DAGLA: variants seen among roughly 807,000 people sequenced by gnomAD.
The protein encoded by DAGLA is diacylglycerol lipase alpha.
In DAGLA, 22 loss-of-function variants were observed where a neutral mutation model predicts 102.6. The ratio of observed to expected loss-of-function variants is 0.21; its 90% confidence interval spans 0.15 to 0.31. DAGLA has a LOEUF of 0.31. Ranked by LOEUF, DAGLA falls within the 10% of genes least tolerant of loss-of-function variation. DAGLA has a pLI of 1.00. For missense variants in DAGLA, 927 were observed against 1,446.6 expected (o/e 0.64, Z 5.83); for synonymous variants, 578 against 628.9 (o/e 0.92, Z 1.21).
intron 7 of DAGLA, 30 bp from the exon 8 acceptor site, chr11:61,728,901 A>T (rs1565260068): frequency 1.2e-6 from 2 of 1,607,308 alleles, no homozygotes; most frequent in Non-Finnish European, 1.7e-6. Flanking sequence ...TGGGCCAGTG[A>T]TTGTCCTTCT....
At chr11:61,739,729 C>T (rs1168420166) in intron 17 of DAGLA, 68 bp downstream of exon 17, 24 of 1,510,470 alleles carry the variant, frequency 1.6e-5, no homozygotes, top group Middle Eastern at 1.9e-4. Context: ...AGAGCAGGGC[C>T]GGCCTTGGCT....
At chr11:61,693,077 G>A (rs1388139155) in intron 1 of DAGLA, among the ~76,000 whole-genome samples, 7 of 149,702 alleles carry the variant, frequency 4.7e-5, no homozygotes, top group African/African-American at 7.4e-5. Context: ...GCAGTGGTGC[G>A]GTCTGCCTTC....
At chr11:61,687,382 G>C (rs564699098) in intron 1 of DAGLA, among the ~76,000 whole-genome samples, 1 of 152,196 alleles carries the variant, frequency 6.6e-6, no homozygotes. Flanking sequence ...ACTCAGGCTG[G>C]AGTGCAGTGG....
At chr11:61,696,478 G>A (rs920703532) in intron 1 of DAGLA, among the ~76,000 whole-genome samples, 3 of 152,124 alleles carry the variant, frequency 2.0e-5, no homozygotes, top group Admixed American at 6.5e-5. Context: ...CCCTCCAGGG[G>A]CCACATGCCT....
In DAGLA at chr11:61,728,955, C is replaced by A. The variant is rs1275384732; in HGVS notation, c.796C>A (p.Leu266Met). ...GGCAAACAATGACATCTTGGCCTTCCTGTCTGGGATGCCGGTGACCAGAAA... is the reference window on the plus strand; with the variant it reads ...GGCAAACAATGACATCTTGGCCTTCATGTCTGGGATGCCGGTGACCAGAAA... The part of the protein sequence containing the change: ...DEANNDILAF[L>M]SGMPVTRNTK... Residue 266 changes from leucine to methionine, a missense_variant, in exon 8 of 20, where the codon CTG becomes ATG. This residue lies in a region of DAGLA where 231 missense variants were observed against 439.8 expected (regional missense o/e 0.53). Transcript: ENST00000257215. The A allele has an allele frequency of 1.9e-6, 3 of 1,614,102 alleles. No homozygotes were observed. Among genetic ancestry groups the A allele is most frequent in the Non-Finnish European group, 2.5e-6 (3 of 1,180,034 alleles).
At chr11:61,705,051 G>C (rs779899440) in intron 1 of DAGLA, among the ~76,000 whole-genome samples, 25 of 152,100 alleles carry the variant, frequency 1.6e-4, no homozygotes, top group Non-Finnish European at 2.8e-4. Flanking sequence ...GGAGGGGGAG[G>C]ACACAGACTT....
At chr11:61,693,216 G>A (rs2065038518) in intron 1 of DAGLA, among the ~76,000 whole-genome samples, 1 of 151,774 alleles carries the variant, frequency 6.6e-6, no homozygotes, top group South Asian at 2.1e-4. Flanking sequence ...GGCTGGTCTC[G>A]AACTCCTGGA....
intron 1 of DAGLA, among the ~76,000 whole-genome samples, chr11:61,707,899 G>A (rs1488313627): frequency 6.6e-6 from 1 of 152,190 alleles, no homozygotes; most frequent in Non-Finnish European, 1.5e-5. Context: ...TGTGGTTGGT[G>A]GAGAGCTTTA....
intron 1 of DAGLA, among the ~76,000 whole-genome samples, chr11:61,704,732 CAT>C (rs2065135482): frequency 6.6e-6 from 1 of 152,292 alleles, no homozygotes; most frequent in African/African-American, 2.4e-5. Flanking sequence ...TGAGCCCCAA[CAT>C]GTGGTTGGGA....
intron 1 of DAGLA, among the ~76,000 whole-genome samples, chr11:61,718,934 C>T (rs945419326): frequency 6.6e-6 from 1 of 152,188 alleles, no homozygotes; most frequent in Non-Finnish European, 1.5e-5. Flanking sequence ...CCGGGCTCCT[C>T]GGACACACAT....
At position 61,684,482 on chromosome 11, in the gene DAGLA, G is replaced by A. The variant is rs1171086743; in HGVS notation, c.-45+3978G>A. On this transcript the variant is annotated intron_variant, in intron 1 of 19. Coordinates refer to ENST00000257215, the MANE Select transcript of DAGLA (RefSeq NM_006133.3). This position sits in a 1 kb window ranked among gnomAD's most constrained non-coding sequence, Gnocchi z 4.5. The stretch of plus-strand genomic sequence containing the variant: ...GAAGCGTGAGTGTGGGTGTGGACGT[G>A]GGTTGTGTGTGTGGGCAGGAAAGAC... Among the ~76,000 whole-genome samples the A allele has an allele frequency of 2.0e-5, 3 of 152,124 alleles. No individual in the cohort carries two copies. Among genetic ancestry groups the A allele is most frequent in the African/African-American group, 7.2e-5 (3 of 41,408 alleles).
chr11:61,729,909 C>CAA (rs1390015549), intron 8 of DAGLA, among the ~76,000 whole-genome samples: 2 of 122,916 alleles, frequency 1.6e-5, no homozygotes, highest in African/African-American at 3.1e-5. Flanking sequence ...CCTGTCTCTA[C>CAA]AAAAAAAAAA....
chr11:61,680,716 G>A (rs1262499745), intron 1 of DAGLA, among the ~76,000 whole-genome samples: 1 of 151,974 alleles, frequency 6.6e-6, no homozygotes, highest in East Asian at 1.9e-4. Flanking sequence ...ACGGGCGTGG[G>A]CAACGTGGGT....
intron 1 of DAGLA, among the ~76,000 whole-genome samples, chr11:61,714,248 C>A (rs2065219105): frequency 1.3e-5 from 2 of 152,226 alleles, no homozygotes; most frequent in South Asian, 4.1e-4. Flanking sequence ...CAGCACCAGG[C>A]AGCTCTAGGA....
chr11:61,709,586 A>T (rs1195636636), intron 1 of DAGLA, among the ~76,000 whole-genome samples: 1 of 152,096 alleles, frequency 6.6e-6, no homozygotes, highest in Non-Finnish European at 1.5e-5. Flanking sequence ...CTGGAAACCC[A>T]CTGAAGAGCA....
chr11:61,707,117 C>T (rs1183154916), intron 1 of DAGLA, among the ~76,000 whole-genome samples: 1 of 152,254 alleles, frequency 6.6e-6, no homozygotes, highest in Non-Finnish European at 1.5e-5. Flanking sequence ...CAAACTCCCG[C>T]CCCCTCCCTG....
At chr11:61,696,951 C>T (rs1346026594) in intron 1 of DAGLA, among the ~76,000 whole-genome samples, 1 of 151,622 alleles carries the variant, frequency 6.6e-6, no homozygotes, top group Non-Finnish European at 1.5e-5. Flanking sequence ...TCCTCACCTT[C>T]CTATCGCCAA....
At chr11:61,699,928 G>A (rs2065095861) in intron 1 of DAGLA, among the ~76,000 whole-genome samples, 1 of 152,258 alleles carries the variant, frequency 6.6e-6, no homozygotes, top group African/African-American at 2.4e-5. Flanking sequence ...AGGAGGGTGG[G>A]GCTGGGGAGG....
chr11:61,741,080 C>T, intron 18 of DAGLA, 82 bp from the exon 19 acceptor site: 2 of 1,373,216 alleles, frequency 1.5e-6, no homozygotes, highest in South Asian at 2.7e-5. Flanking sequence ...GCCTGAGAGG[C>T]CTGGGCCCTG....
Sources: allele counts gnomAD v4.1 joint callset (sites outside exome capture counted in the v4.1 genomes callset), GRCh38; gene constraint gnomAD v4.1.1; regional missense constraint gnomAD v4.1.1; non-coding constraint Gnocchi (gnomAD v3.1); transcripts MANE v1.5; gene names NCBI Gene and HGNC (gene_info 2026-07-23, HGNC 2026-07-21).